The following WWC1 variants were observed in gnomAD, a reference collection of about 807,000 sequenced individuals.
The protein encoded by WWC1 is protein KIBRA.
A neutral mutation model predicts 138.4 loss-of-function variants in WWC1; 55 were observed. The observed-to-expected ratio is 0.40, with a 90% confidence interval of 0.32 to 0.50. The LOEUF is 0.50. Among genes scored for constraint, WWC1 ranks in the 20% least tolerant of loss-of-function variants. WWC1 has a pLI of 0.72. For synonymous variants in WWC1, 524 were observed against 564.9 expected (o/e 0.93, Z 1.03); for missense variants, 1,226 against 1,420.4 (o/e 0.86, Z 2.20).
intron 1 of WWC1, among the ~76,000 whole-genome samples, chr5:168,295,853 G>A (rs944450371): frequency 2.0e-5 from 3 of 152,154 alleles, no homozygotes; most frequent in Non-Finnish European, 2.9e-5. Context: ...CTGGGAGGCC[G>A]AAATTCCTGA....
At chr5:168,375,953 A>G (rs1777134028) in intron 2 of WWC1, among the ~76,000 whole-genome samples, 1 of 152,202 alleles carries the variant, frequency 6.6e-6, no homozygotes. Flanking sequence ...ATCTACACAT[A>G]CCATGATTAG....
intron 1 of WWC1, among the ~76,000 whole-genome samples, chr5:168,303,513 G>T (rs1204424892): frequency 6.6e-6 from 1 of 152,104 alleles, no homozygotes; most frequent in Non-Finnish European, 1.5e-5. Context: ...AGAGGCTAAG[G>T]TGGGAGGATC....
intron 1 of WWC1, among the ~76,000 whole-genome samples, chr5:168,319,342 C>T (rs1048206482): frequency 3.3e-5 from 5 of 152,112 alleles, no homozygotes; most frequent in African/African-American, 4.8e-5. Flanking sequence ...ATCACTTGAA[C>T]CCAGGAGGCA....
At chr5:168,430,600 T>G (rs1687077854) in intron 14 of WWC1, among the ~76,000 whole-genome samples, 2 of 151,998 alleles carry the variant, frequency 1.3e-5, no homozygotes, top group African/African-American at 2.4e-5. Context: ...TAAGCTCAAG[T>G]GTTTCTTGCA....
chr5:168,348,883 C>T (rs1774698275), intron 1 of WWC1, among the ~76,000 whole-genome samples: 1 of 152,078 alleles, frequency 6.6e-6, no homozygotes, highest in South Asian at 2.1e-4. Context: ...CCTGAGTGGT[C>T]TGAAAATTCC....
intron 1 of WWC1, among the ~76,000 whole-genome samples, chr5:168,318,609 G>C (rs1581906703): frequency 6.6e-6 from 1 of 150,852 alleles, no homozygotes; most frequent in East Asian, 1.9e-4. Flanking sequence ...GCCCAGGCTG[G>C]AGTTCAATGG....
chr5:168,432,862 G>A (rs1181713482), intron 15 of WWC1, among the ~76,000 whole-genome samples: 1 of 152,202 alleles, frequency 6.6e-6, no homozygotes, highest in African/African-American at 2.4e-5. Flanking sequence ...AGCCTCTCCT[G>A]CCTCCATTTC....
At chr5:168,414,845 T>C (rs751924993) in intron 9 of WWC1, 15 of 504,548 alleles carry the variant, frequency 3.0e-5, no homozygotes, top group Non-Finnish European at 4.5e-5. Flanking sequence ...TGTTCAAAAA[T>C]GTATCTTCTG....
chr5:168,300,830 G>A (rs1194348429), intron 1 of WWC1, among the ~76,000 whole-genome samples: 1 of 152,172 alleles, frequency 6.6e-6, no homozygotes, highest in Non-Finnish European at 1.5e-5. Context: ...GGGATCCACT[G>A]ACGGGTAACA....
chr5:168,353,211 T>C (rs757726335), intron 1 of WWC1, among the ~76,000 whole-genome samples: 2 of 152,056 alleles, frequency 1.3e-5, no homozygotes, highest in Non-Finnish European at 2.9e-5. Flanking sequence ...CTCAGCAGGT[T>C]ACTCACCTCC....
At chr5:168,440,135 AG>A (rs1754618637) in intron 15 of WWC1, among the ~76,000 whole-genome samples, 1 of 152,224 alleles carries the variant, frequency 6.6e-6, no homozygotes, top group Non-Finnish European at 1.5e-5. Context: ...CAATTTGAAA[AG>A]GGGAAAGGAC....
intron 1 of WWC1, among the ~76,000 whole-genome samples, chr5:168,313,081 T>C (rs535968735): frequency 5.7e-4 from 87 of 152,182 alleles, no homozygotes; most frequent in African/African-American, 2.0e-3. Flanking sequence ...GTGCAAGGAT[T>C]ACAGGCATGA....
chr5:168,453,024 A>G (rs1224329636), intron 17 of WWC1, among the ~76,000 whole-genome samples: 1 of 152,228 alleles, frequency 6.6e-6, no homozygotes, highest in Admixed American at 6.5e-5. Context: ...CAGTAGTTTG[A>G]GACCAGCCTG....
Position 168,414,653 on chromosome 5 carries a change from C to T in WWC1, c.1184+63C>T, listed in dbSNP as rs545935950. 7 of 1,481,772 alleles carry T rather than the reference C, an allele frequency of 4.7e-6. No homozygotes were observed. The African/African-American group carries it at 7.1e-5, about 15-fold the overall frequency. The allele number at this position is 1,481,772 out of a possible 1,614,324, so 91.8% of individuals were successfully genotyped here. ...TCACTGGCAGTCTGTCCTCAGCCCC[C>T]AGATGGGGGAAGAATGAGGGGGCTC... On this transcript the variant is annotated intron_variant, in intron 9 of 22. Transcript: ENST00000265293.
At position 168,406,479 on chromosome 5, in the gene WWC1, G is replaced by A. The variant is rs1040939333; in HGVS notation, c.720+152G>A. The A allele has an allele frequency of 3.5e-6, 4 of 1,135,588 alleles. No individual in the cohort carries two copies. The African/African-American group carries it at 4.7e-5, about 13-fold the overall frequency. The allele number at this position is 1,135,588 out of a possible 1,614,324, so 70.3% of individuals were successfully genotyped here. On this transcript the variant is annotated intron_variant, in intron 6 of 22. Coordinates refer to ENST00000265293, the MANE Select transcript of WWC1 (RefSeq NM_015238.3). Reference sequence around the variant, plus strand: ...GGTTTTGGTTCCATTTCATAGAGGAGGACGTGGAGGCTCAGAAGCATTAAG... The same window carrying A: ...GGTTTTGGTTCCATTTCATAGAGGAAGACGTGGAGGCTCAGAAGCATTAAG...
chr5:168,427,101 C>G (rs1452442136), intron 11 of WWC1, among the ~76,000 whole-genome samples: 1 of 152,200 alleles, frequency 6.6e-6, no homozygotes, highest in Non-Finnish European at 1.5e-5. Flanking sequence ...GGTGCTTAAT[C>G]TCTCCCTTCT....
At chr5:168,406,426 A>G in intron 6 of WWC1, 99 bp downstream of exon 6, 1 of 1,514,156 alleles carries the variant, frequency 6.6e-7, no homozygotes. Context: ...TACACACATC[A>G]CTGAGTTCTC....
intron 1 of WWC1, among the ~76,000 whole-genome samples, chr5:168,326,682 T>C (rs1169843288): frequency 6.6e-6 from 1 of 151,902 alleles, no homozygotes. Context: ...GTAGCTGGGA[T>C]TACAGGCACG....
rs144088752 is a variant in WWC1 at position 168,416,592 on chromosome 5, G to A, written c.1184+2002G>A. The A allele has an allele frequency of 5.9e-5, 9 of 152,302 alleles. No homozygotes were observed. In the East Asian group the frequency reaches 1.5e-3, roughly 26 times the overall value. The allele number at this position is 152,302 out of a possible 1,614,324, so 9.4% of individuals were successfully genotyped here. A position where few individuals can be genotyped will look rare whatever the true frequency, so the allele number is the denominator to read the frequency against. ...TCACTTGCTCCCAGACCCTGTAATTGCCACTGGGAAGCCCTTAGCTATTCA... is the reference window on the plus strand; with the variant it reads ...TCACTTGCTCCCAGACCCTGTAATTACCACTGGGAAGCCCTTAGCTATTCA... On this transcript the variant is annotated intron_variant, in intron 9 of 22. Coordinates refer to ENST00000265293, the MANE Select transcript of WWC1 (RefSeq NM_015238.3).
Sources: allele counts gnomAD v4.1 joint callset (sites outside exome capture counted in the v4.1 genomes callset), GRCh38; gene constraint gnomAD v4.1.1; transcripts MANE v1.5; gene names NCBI Gene and HGNC (gene_info 2026-07-23, HGNC 2026-07-21).